The following GMDS variants were observed in gnomAD, a reference collection of about 807,000 sequenced individuals.
The protein encoded by GMDS is GDP-mannose 4,6-dehydratase, also known as GDP-mannose 4,6 dehydratase.
Under a neutral mutation model 49.9 loss-of-function variants are expected in GMDS, and 20 were observed. The ratio of observed to expected loss-of-function variants is 0.40; its 90% CI spans 0.28 to 0.58. The LOEUF (loss-of-function observed/expected upper bound fraction) is 0.58. Among genes scored for constraint, GMDS ranks in the 20% least tolerant of loss-of-function variants. The probability of loss-of-function intolerance (pLI) is 0.42; values close to 1 mark genes in which losing one functional copy is unlikely to be tolerated. For synonymous variants in GMDS, 177 were observed against 178.6 expected, an observed-to-expected ratio of 0.99 and a Z score of 0.07; for missense variants, 362 against 481.4, an observed-to-expected ratio of 0.75 and a Z score of 2.32.
intron 7 of GMDS, among the ~76,000 whole-genome samples, chr6:1,906,751 A>G (rs543894162): frequency 6.6e-6 from 1 of 152,266 alleles, no homozygotes; most frequent in South Asian, 2.1e-4. Context: ...GAGGACAAGG[A>G]AAGGAGTAGG....
intron 4 of GMDS, among the ~76,000 whole-genome samples, chr6:2,027,222 C>T (rs1360767945): frequency 6.6e-6 from 1 of 152,052 alleles, no homozygotes; most frequent in Non-Finnish European, 1.5e-5. Context: ...TGGACACAGC[C>T]AGAGGAAGGA....
At chr6:2,131,032 T>C (rs970525006) in intron 1 of GMDS, among the ~76,000 whole-genome samples, 1 of 152,158 alleles carries the variant, frequency 6.6e-6, no homozygotes, top group Non-Finnish European at 1.5e-5. Flanking sequence ...ATGTACAAAA[T>C]TGACTAATTT....
chr6:2,124,813 C>A, intron 1 of GMDS, 82 bp from the exon 2 acceptor site: 2 of 1,021,342 alleles, frequency 2.0e-6, no homozygotes, highest in Non-Finnish European at 1.5e-6. Context: ...TTGAGAAAAG[C>A]ATTTAAAAGG....
At chr6:1,707,928 AG>A (rs1036287857) in intron 9 of GMDS, among the ~76,000 whole-genome samples, 1 of 152,198 alleles carries the variant, frequency 6.6e-6, no homozygotes, top group African/African-American at 2.4e-5. Flanking sequence ...TGGGAGAAAA[AG>A]GTTTTCAAGT....
intron 9 of GMDS, among the ~76,000 whole-genome samples, chr6:1,696,951 C>T (rs1765365830): frequency 6.6e-6 from 1 of 152,198 alleles, no homozygotes; most frequent in Admixed American, 6.5e-5. Context: ...CATCTTTAAG[C>T]ATTTGTTTTT....
intron 1 of GMDS, among the ~76,000 whole-genome samples, chr6:2,132,462 T>C (rs778084503): frequency 1.3e-5 from 2 of 152,178 alleles, no homozygotes; most frequent in Non-Finnish European, 2.9e-5. Context: ...TGTTTCAACA[T>C]TGGCTAGGAC....
intron 7 of GMDS, among the ~76,000 whole-genome samples, chr6:1,827,544 G>A (rs1421678391): frequency 2.0e-5 from 3 of 152,042 alleles, no homozygotes; most frequent in Non-Finnish European, 2.9e-5. Flanking sequence ...TAGCTTTAAC[G>A]TTTTACATAA....
chr6:1,760,984 T>C (rs1768133974), intron 7 of GMDS, among the ~76,000 whole-genome samples: 1 of 152,160 alleles, frequency 6.6e-6, no homozygotes, highest in Admixed American at 6.5e-5. Flanking sequence ...AAGCCAGTTG[T>C]ATTTAAGAAA....
chr6:1,976,681 ACTGGTATTAATACTT>A (rs1345696457), intron 4 of GMDS, among the ~76,000 whole-genome samples: 1 of 152,204 alleles, frequency 6.6e-6, no homozygotes, highest in Non-Finnish European at 1.5e-5. Context: ...ATAATAGTAT[ACTGGTATTAATACTT>A]CTGGTATTAA....
chr6:2,030,892 TG>T (rs1458610365), intron 4 of GMDS, among the ~76,000 whole-genome samples: 11 of 152,342 alleles, frequency 7.2e-5, no homozygotes, highest in African/African-American at 2.6e-4. Context: ...ATTATCTTTG[TG>T]ACTCAACACC....
chr6:1,872,756 C>T (rs889472187), intron 7 of GMDS, among the ~76,000 whole-genome samples: 1 of 152,248 alleles, frequency 6.6e-6, no homozygotes, highest in African/African-American at 2.4e-5. Flanking sequence ...TTCAAAGCCC[C>T]ATTAAGGGGA....
intron 9 of GMDS, among the ~76,000 whole-genome samples, chr6:1,656,852 C>T (rs1026622153): frequency 6.6e-6 from 1 of 152,108 alleles, no homozygotes; most frequent in African/African-American, 2.4e-5. Context: ...TGAGATACTA[C>T]CTGTACAGGA....
At chr6:1,998,912 C>A (rs1261731757) in intron 4 of GMDS, among the ~76,000 whole-genome samples, 2 of 151,802 alleles carry the variant, frequency 1.3e-5, no homozygotes, top group African/African-American at 4.8e-5. Flanking sequence ...AATTATACAA[C>A]CAATGCAAGA....
rs376866566 is a variant in GMDS, at chr6:2,185,361, AC to A, written c.102+59959del. Among the ~76,000 whole-genome samples the A allele has an allele frequency of 1.8e-4, 27 of 152,300 alleles. 2 individuals carry two copies. The South Asian group carries it at 5.4e-3, about 30-fold the overall frequency. ...GGTACTTCTGACTCTCATGTACACC[AC>A]CATTTCTTCCTCAAAACTACTGCAC... On this transcript the variant is annotated intron_variant, in intron 1 of 10. Coordinates refer to ENST00000380815, the MANE Select transcript of GMDS (RefSeq NM_001500.4).
At chr6:1,641,003 G>A (rs1237161809) in intron 9 of GMDS, among the ~76,000 whole-genome samples, 2 of 152,172 alleles carry the variant, frequency 1.3e-5, no homozygotes, top group Admixed American at 6.5e-5. Context: ...GTTACAGGTG[G>A]CGTTGGCTCC....
In GMDS at chr6:1,883,518, A is replaced by G. The variant is rs570163765; in HGVS notation, c.771+46585T>C. Among the ~76,000 whole-genome samples, 189 of 152,316 alleles carry G rather than the reference A, an allele frequency of 1.2e-3. 2 individuals carry two copies. The highest frequency in any genetic ancestry group is 4.3e-3 in the African/African-American group (179 of 41,578). On this transcript the variant is annotated intron_variant, in intron 7 of 10. Coordinates refer to ENST00000380815, the MANE Select transcript of GMDS (RefSeq NM_001500.4). ...TAAATACCTTAAAGACAATTTGAAT[A>G]AAAAGAACCTTCCACATATATTATA...
intron 2 of GMDS, among the ~76,000 whole-genome samples, chr6:2,119,873 G>A (rs983474984): frequency 5.3e-5 from 8 of 152,046 alleles, no homozygotes; most frequent in African/African-American, 1.9e-4. Flanking sequence ...GTGATAAAAT[G>A]GAAAATTTCA....
Position 1,775,160 on chromosome 6 carries a change from C to T in GMDS, c.772-32574G>A, listed in dbSNP as rs73409305. 4.8e-3 allele frequency among the ~76,000 whole-genome samples: 723 copies of T among 152,176 alleles called. 6 individuals are homozygous for T. Among genetic ancestry groups the T allele is most frequent in the African/African-American group, 0.017 (695 of 41,536 alleles). On this transcript the variant is annotated intron_variant, in intron 7 of 10. Transcript: ENST00000380815. ...AGAGATGGAGAATTATGCTAGCAAG[C>T]GCATGCATGGCTGAAGGTGGGGAGT...
intron 7 of GMDS, among the ~76,000 whole-genome samples, chr6:1,748,245 C>T (rs924486745): frequency 6.6e-6 from 1 of 152,134 alleles, no homozygotes; most frequent in Non-Finnish European, 1.5e-5. Context: ...ATTATCTATT[C>T]TTTCAATTTG....
Sources: allele counts gnomAD v4.1 joint callset (sites outside exome capture counted in the v4.1 genomes callset), GRCh38; gene constraint gnomAD v4.1.1; transcripts MANE v1.5; gene names NCBI Gene and HGNC (gene_info 2026-07-23, HGNC 2026-07-21).